STK31: variants seen among roughly 807,000 people sequenced by gnomAD.
STK31 encodes the protein serine/threonine kinase 31.
A neutral mutation model predicts 129.7 loss-of-function variants in STK31; 89 were observed. That is an observed-to-expected ratio of 0.69 (90% CI 0.58 to 0.82). STK31 has a LOEUF of 0.82. Ranked by LOEUF, STK31 falls within the 40% of genes least tolerant of loss-of-function variation. STK31 has a pLI of 0.00. For missense variants in STK31, 1,187 were observed against 1,176.4 expected (o/e 1.01, Z -0.13); for synonymous variants, 448 against 395.3 (o/e 1.13, Z -1.58).
rs370940009 is a variant in STK31, at chr7:23,759,835, T to G, written c.1294-2966T>G. 1.8e-4 allele frequency among the ~76,000 whole-genome samples: 27 copies of G among 152,264 alleles called. No individual in the cohort carries two copies. The East Asian group carries it at 4.3e-3, about 24-fold the overall frequency. On this transcript the variant is annotated intron_variant, in intron 10 of 23. Coordinates refer to ENST00000355870, the MANE Select transcript of STK31 (RefSeq NM_031414.5). ...GGACTCTTGTAACTAAACATGCCCCTTGAGGGACCCTGGAAGCTATACCTA... is the reference window on the plus strand; with the variant it reads ...GGACTCTTGTAACTAAACATGCCCCGTGAGGGACCCTGGAAGCTATACCTA...
intron 4 of STK31, among the ~76,000 whole-genome samples, chr7:23,720,123 G>A (rs578038359): frequency 1.3e-5 from 2 of 152,116 alleles, no homozygotes; most frequent in Non-Finnish European, 2.9e-5. Flanking sequence ...TGGTTTACGT[G>A]TGTGATATTA....
At position 23,729,230 on chromosome 7, in the gene STK31, A is replaced by G. The variant is rs1787253565; in HGVS notation, c.464A>G (p.Glu155Gly). 1.9e-6 allele frequency: 3 copies of G among 1,602,050 alleles called. No individual in the cohort carries two copies. The highest frequency in any genetic ancestry group is 2.5e-6 in the Non-Finnish European group (3 of 1,176,880). Residue 155 changes from glutamate (E) to glycine (G), a missense_variant, in exon 6 of 24, where the codon GAA becomes GGA. Transcript: ENST00000355870. The stretch of plus-strand genomic sequence containing the variant: ...GGACTACACATTCCTTCTGATCAAG[A>G]AGTTACCCAGTTTGATCAGGCAAGT... ...LWGLHIPSDQ[E>G]VTQFDQGTTF... is the part of the protein sequence containing the mutation.
chr7:23,770,750 T>C (rs1033573498), intron 13 of STK31, among the ~76,000 whole-genome samples: 1 of 152,122 alleles, frequency 6.6e-6, no homozygotes, highest in African/African-American at 2.4e-5. Flanking sequence ...GGACTACAGG[T>C]GTATACCACT....
At position 23,769,745 on chromosome 7, in the gene STK31, A is replaced by T; in HGVS notation, c.1702A>T (p.Ile568Leu). 1 of 1,597,706 alleles carries T rather than the reference A, an allele frequency of 6.3e-7. No homozygotes were observed. Among genetic ancestry groups the T allele is most frequent in the Non-Finnish European group, 8.6e-7 (1 of 1,167,322 alleles). The change falls in exon 13 of 24, where the codon ATA becomes TTA. Residue 568 changes from isoleucine (I) to leucine (L), a missense_variant. Physicochemically the swap from Ile to Leu is conservative, Grantham distance 5. Coordinates refer to ENST00000355870, the MANE Select transcript of STK31 (RefSeq NM_031414.5). Reference sequence around the variant, plus strand: ...GTCAAGTGTCTGCAAAGAGCTGGAGATAGCTCTGGTTGTGAGTATCGATAT... The same window carrying T: ...GTCAAGTGTCTGCAAAGAGCTGGAGTTAGCTCTGGTTGTGAGTATCGATAT... ...TESSVCKELE[I>L]ALVDQGDADK...
chr7:23,710,088 G>T (rs1584303088), upstream of STK31: 23 of 864,374 alleles, frequency 2.7e-5, 1 homozygote, highest in South Asian at 3.0e-4. Context: ...GTGCCTGGGG[G>T]TCGGCAGCAG....
chr7:23,825,602 G>T (rs1055769643), intron 23 of STK31, among the ~76,000 whole-genome samples: 1 of 152,130 alleles, frequency 6.6e-6, no homozygotes, highest in Non-Finnish European at 1.5e-5. Context: ...ATGTACTTCA[G>T]TTCTGCTCTA....
At chr7:23,805,998 C>T (rs1792682921) in intron 22 of STK31, among the ~76,000 whole-genome samples, 1 of 152,144 alleles carries the variant, frequency 6.6e-6, no homozygotes, top group Non-Finnish European at 1.5e-5. Context: ...CTGAGTGATG[C>T]CCCATTTCAG....
intron 22 of STK31, chr7:23,811,403 T>G (rs1793124041): frequency 3.0e-6 from 1 of 338,246 alleles, no homozygotes; most frequent in South Asian, 3.0e-5. Context: ...CTTGTAGGCT[T>G]CTTTTATGAA....
chr7:23,820,970 G>T (rs560831089), intron 23 of STK31, among the ~76,000 whole-genome samples: 278 of 152,130 alleles, frequency 1.8e-3, no homozygotes, highest in African/African-American at 6.6e-3. Context: ...CCTTACCTTT[G>T]TAATTGTGAA....
chr7:23,825,852 A>G (rs1367112384), intron 23 of STK31, among the ~76,000 whole-genome samples: 1 of 151,952 alleles, frequency 6.6e-6, no homozygotes, highest in Non-Finnish European at 1.5e-5. Flanking sequence ...TCATTTCGTT[A>G]TGTGCTCAGT....
At chr7:23,774,152 G>T (rs1790381712) in intron 15 of STK31, among the ~76,000 whole-genome samples, 1 of 152,170 alleles carries the variant, frequency 6.6e-6, no homozygotes, top group South Asian at 2.1e-4. Context: ...TGGTGTATAT[G>T]TGCCACATAT....
At chr7:23,798,456 C>G (rs10215120) in intron 22 of STK31, among the ~76,000 whole-genome samples, 1 of 109,470 alleles carries the variant, frequency 9.1e-6, no homozygotes, top group African/African-American at 3.3e-5. Flanking sequence ...ATATGCAAAT[C>G]AGTAAACATA....
chr7:23,815,053 G>A, intron 22 of STK31, 91 bp from the exon 23 acceptor site: 3 of 874,348 alleles, frequency 3.4e-6, no homozygotes, highest in Non-Finnish European at 5.1e-6. Context: ...CTCTTTTCTA[G>A]TCACCAGGAT....
intron 22 of STK31, among the ~76,000 whole-genome samples, chr7:23,793,332 T>G (rs1171183038): frequency 6.6e-6 from 1 of 152,196 alleles, no homozygotes; most frequent in African/African-American, 2.4e-5. Context: ...GACTTTCGAT[T>G]TGGCAAAGAT....
intron 6 of STK31, among the ~76,000 whole-genome samples, chr7:23,730,878 ATTTTT>A (rs60712892): frequency 1.7e-5 from 1 of 59,554 alleles, no homozygotes; most frequent in African/African-American, 5.8e-5. Context: ...ATATATATAT[ATTTTT>A]TTTTTTTTTT....
At chr7:23,736,828 C>A in intron 7 of STK31, 76 bp from the exon 8 acceptor site, 5 of 1,231,154 alleles carry the variant, frequency 4.1e-6, no homozygotes, top group South Asian at 2.4e-5. Flanking sequence ...ATAAAAGGAC[C>A]AAGATAACTT....
intron 8 of STK31, among the ~76,000 whole-genome samples, chr7:23,746,836 T>A (rs940696960): frequency 7.9e-5 from 12 of 152,058 alleles, no homozygotes; most frequent in African/African-American, 2.4e-4. Context: ...ATTATTTAAT[T>A]TTAAAATAAG....
chr7:23,729,581 G>A (rs1787280391), intron 6 of STK31, among the ~76,000 whole-genome samples: 1 of 151,078 alleles, frequency 6.6e-6, no homozygotes, highest in South Asian at 2.1e-4. Context: ...CGTGATCTCG[G>A]CTCACTGCAA....
At chr7:23,788,417 T>C (rs577808750) in intron 21 of STK31, among the ~76,000 whole-genome samples, 60 of 152,270 alleles carry the variant, frequency 3.9e-4, no homozygotes, top group Admixed American at 2.8e-3. Context: ...CTAGGAAACA[T>C]GTAAGGAAAC....
Sources: allele counts gnomAD v4.1 joint callset (sites outside exome capture counted in the v4.1 genomes callset), GRCh38; gene constraint gnomAD v4.1.1; transcripts MANE v1.5; gene names NCBI Gene and HGNC (gene_info 2026-07-23, HGNC 2026-07-21).